SH3GL3: variants seen among roughly 807,000 people sequenced by gnomAD.
SH3GL3 encodes endophilin-A3.
In SH3GL3, 33 loss-of-function variants were observed where a neutral mutation model predicts 47.7. That is an observed-to-expected ratio of 0.69 (90% CI 0.52 to 0.92). SH3GL3 has a LOEUF of 0.92. Ranked by LOEUF, SH3GL3 falls within the 40% of genes least tolerant of loss-of-function variation. The probability of loss-of-function intolerance (pLI) is 0.00; values close to 1 mark genes in which losing one functional copy is unlikely to be tolerated. For missense variants in SH3GL3, 363 were observed against 417.8 expected (o/e 0.87, Z 1.14); for synonymous variants, 155 against 148.8 (o/e 1.04, Z -0.30).
chr15:83,543,698 G>A (rs1032540540), intron 1 of SH3GL3, among the ~76,000 whole-genome samples: 3 of 151,944 alleles, frequency 2.0e-5, no homozygotes, highest in African/African-American at 7.2e-5. Context: ...CTTGTTACTT[G>A]TCATTAGCCT....
intron 1 of SH3GL3, among the ~76,000 whole-genome samples, chr15:83,460,851 G>A (rs150545411): frequency 0.018 from 2,706 of 152,202 alleles, 76 homozygotes; most frequent in African/African-American, 0.061. Context: ...TTGGGAGGCC[G>A]TGGCAGGCAG....
At chr15:83,515,212 T>C (rs2042930954) in intron 1 of SH3GL3, among the ~76,000 whole-genome samples, 1 of 152,226 alleles carries the variant, frequency 6.6e-6, no homozygotes, top group African/African-American at 2.4e-5. Context: ...GTGGATTCTA[T>C]GCCCGAGTTC....
rs753397526 is a variant in SH3GL3 at position 83,612,853 on chromosome 15, C to T, written c.839-5229C>T. On this transcript the variant is annotated intron_variant, in intron 8 of 8. Coordinates refer to ENST00000427482, the MANE Select transcript of SH3GL3 (RefSeq NM_003027.5). ...TCTAGTTCTTGGAACCCAGAAGTTT[C>T]TCTCTCTCTCTCGCTCTTAAATCTT... Among the ~76,000 whole-genome samples, 48 of 151,860 alleles carry T rather than the reference C, an allele frequency of 3.2e-4. 2 individuals carry two copies. The highest frequency in any genetic ancestry group is 4.9e-4 in the Non-Finnish European group (33 of 67,888).
chr15:83,466,612 T>C (rs2040581689), intron 1 of SH3GL3, among the ~76,000 whole-genome samples: 1 of 152,130 alleles, frequency 6.6e-6, no homozygotes, highest in Non-Finnish European at 1.5e-5. Flanking sequence ...TCTGTTTAGG[T>C]TTTTAAGAAA....
At chr15:83,556,060 T>C (rs934140) in intron 1 of SH3GL3, among the ~76,000 whole-genome samples, 12,833 of 152,300 alleles carry the variant, frequency 0.084, 617 homozygotes, top group East Asian at 0.17. Context: ...CGGAGTTGAA[T>C]TTGAATAGTC....
At chr15:83,579,793 CT>C (rs2059785833) in intron 6 of SH3GL3, among the ~76,000 whole-genome samples, 1 of 152,170 alleles carries the variant, frequency 6.6e-6, no homozygotes, top group Non-Finnish European at 1.5e-5. Context: ...CCATCTTACT[CT>C]CTTCTTGGGG....
chr15:83,527,830 G>A (rs2043494035), intron 1 of SH3GL3, among the ~76,000 whole-genome samples: 1 of 152,038 alleles, frequency 6.6e-6, no homozygotes, highest in Non-Finnish European at 1.5e-5. Flanking sequence ...CAGGTCTTCT[G>A]TAGTGGTAAC....
At chr15:83,588,208 G>C (rs181993254) in intron 7 of SH3GL3, among the ~76,000 whole-genome samples, 1 of 152,294 alleles carries the variant, frequency 6.6e-6, no homozygotes, top group Non-Finnish European at 1.5e-5. Context: ...TCTGCTCACT[G>C]CAGCCTCCAC....
At chr15:83,503,483 A>T (rs1435968906) in intron 1 of SH3GL3, among the ~76,000 whole-genome samples, 5 of 152,220 alleles carry the variant, frequency 3.3e-5, no homozygotes, top group Non-Finnish European at 1.5e-5. Flanking sequence ...AATAACAATA[A>T]GTGAAATTTA....
downstream of SH3GL3, among the ~76,000 whole-genome samples, chr15:83,623,362 G>A (rs1350371814): frequency 1.3e-5 from 2 of 152,208 alleles, no homozygotes; most frequent in African/African-American, 4.8e-5. Context: ...TCACTCACGG[G>A]ACTGGGGGAT....
intron 1 of SH3GL3, among the ~76,000 whole-genome samples, chr15:83,480,958 C>G (rs923925330): frequency 1.1e-4 from 16 of 152,028 alleles, no homozygotes; most frequent in African/African-American, 3.9e-4. Context: ...TGCCTGGTGC[C>G]TGTTTGTTCT....
intron 1 of SH3GL3, among the ~76,000 whole-genome samples, chr15:83,479,674 G>A (rs1021387750): frequency 3.9e-5 from 6 of 152,158 alleles, no homozygotes; most frequent in African/African-American, 1.4e-4. Context: ...TTGGTTGGGG[G>A]TAAAAAGGCC....
At chr15:83,499,612 A>C (rs555028299) in intron 1 of SH3GL3, among the ~76,000 whole-genome samples, 2 of 152,348 alleles carry the variant, frequency 1.3e-5, no homozygotes, top group African/African-American at 4.8e-5. Flanking sequence ...TCACTAAATA[A>C]ATGTTTACTG....
intron 1 of SH3GL3, among the ~76,000 whole-genome samples, chr15:83,553,486 C>T (rs1596244819): frequency 6.6e-6 from 1 of 152,098 alleles, no homozygotes; most frequent in African/African-American, 2.4e-5. Context: ...TTTGCCATTC[C>T]TTCTTCCTCC....
intron 1 of SH3GL3, among the ~76,000 whole-genome samples, chr15:83,505,297 A>T (rs1417572785): frequency 6.6e-6 from 1 of 152,110 alleles, no homozygotes; most frequent in Non-Finnish European, 1.5e-5. Flanking sequence ...ACATTACTAG[A>T]TAATGGCCAA....
chr15:83,475,367 T>C (rs1179111613), intron 1 of SH3GL3, among the ~76,000 whole-genome samples: 1 of 151,970 alleles, frequency 6.6e-6, no homozygotes, highest in East Asian at 1.9e-4. Flanking sequence ...TAATCCCAGC[T>C]ACTCGGGAGG....
chr15:83,534,051 A>G (rs1423923599), intron 1 of SH3GL3, among the ~76,000 whole-genome samples: 1 of 152,128 alleles, frequency 6.6e-6, no homozygotes, highest in Non-Finnish European at 1.5e-5. Flanking sequence ...ATATGTTCCC[A>G]TAGATTGTGT....
At chr15:83,506,792 C>T (rs1047549952) in intron 1 of SH3GL3, among the ~76,000 whole-genome samples, 50 of 151,926 alleles carry the variant, frequency 3.3e-4, no homozygotes, top group African/African-American at 1.2e-3. Flanking sequence ...GTGAATTGGC[C>T]CTTTTCTCCT....
chr15:83,629,560 C>T, the SH3GL3 span, among the ~76,000 whole-genome samples: 1 of 152,198 alleles, frequency 6.6e-6, no homozygotes, highest in African/African-American at 2.4e-5. Context: ...TGGCTAATCC[C>T]TGTAAACCCA....
Sources: gnomAD v4.1 joint callset for allele counts (sites outside exome capture counted in the v4.1 genomes callset) on GRCh38, gnomAD v4.1.1 for gene constraint, MANE v1.5 for transcripts, NCBI Gene and HGNC (gene_info 2026-07-23, HGNC 2026-07-21) for gene names.